CSMD1: variants seen among roughly 807,000 people sequenced by gnomAD.
CSMD1 encodes the protein CUB and sushi domain-containing protein 1.
CSMD1 carries 213 observed loss-of-function variants against 417.5 expected under a neutral mutation model. The ratio of observed to expected loss-of-function variants is 0.51; its 90% CI spans 0.46 to 0.57. CSMD1 has a LOEUF of 0.57. Among genes scored for constraint, CSMD1 ranks in the 20% least tolerant of loss-of-function variants. The pLI, the probability that CSMD1 is intolerant of heterozygous loss-of-function variation, is 0.00. For synonymous variants in CSMD1, 2,862 were observed against 1,736.8 expected, an observed-to-expected ratio of 1.65 and a Z score of -16.11; for missense variants, 6,923 against 4,529.7, an observed-to-expected ratio of 1.53 and a Z score of -15.17.
intron 3 of CSMD1, among the ~76,000 whole-genome samples, chr8:4,135,836 A>T (rs1803396350): frequency 6.6e-6 from 1 of 152,190 alleles, no homozygotes; most frequent in Non-Finnish European, 1.5e-5. Context: ...AGATGTAACT[A>T]CAAATTGGCA....
intron 10 of CSMD1, among the ~76,000 whole-genome samples, chr8:3,513,031 G>A (rs186581788): frequency 9.7e-4 from 147 of 152,194 alleles, no homozygotes; most frequent in Non-Finnish European, 1.6e-3. Context: ...AAATACATTT[G>A]AGGTTTTAGA....
chr8:3,024,454 T>A (rs146345225), intron 51 of CSMD1, among the ~76,000 whole-genome samples: 2,340 of 152,130 alleles, frequency 0.015, 20 homozygotes, highest in East Asian at 0.038. Context: ...CACAGGTACA[T>A]GCCACCACAC....
intron 5 of CSMD1, among the ~76,000 whole-genome samples, chr8:3,837,390 A>G (rs921439912): frequency 2.0e-5 from 3 of 152,152 alleles, no homozygotes; most frequent in South Asian, 2.1e-4. Context: ...AGAAAATTGA[A>G]GTAGCATGCA....
intron 37 of CSMD1, among the ~76,000 whole-genome samples, chr8:3,166,120 A>C (rs1275334637): frequency 2.6e-5 from 4 of 152,172 alleles, no homozygotes; most frequent in Admixed American, 2.6e-4. Context: ...ACTGTGTAGA[A>C]GGTAAGCTTG....
intron 26 of CSMD1, among the ~76,000 whole-genome samples, chr8:3,254,230 C>G (rs906947479): frequency 7.9e-5 from 12 of 152,194 alleles, no homozygotes; most frequent in African/African-American, 2.9e-4. Context: ...TGTAGAGTTT[C>G]TGTCGAGAGA....
chr8:3,282,844 C>A (rs576082192), intron 26 of CSMD1, among the ~76,000 whole-genome samples: 1 of 152,120 alleles, frequency 6.6e-6, no homozygotes, highest in African/African-American at 2.4e-5. Context: ...TTATGTAAAT[C>A]CTAAATATGA....
intron 5 of CSMD1, among the ~76,000 whole-genome samples, chr8:3,830,159 GT>G (rs1563123078): frequency 6.6e-6 from 1 of 152,146 alleles, no homozygotes; most frequent in Non-Finnish European, 1.5e-5. Context: ...ATGCTCCAGA[GT>G]TTCTCTTCCA....
chr8:3,087,115 G>C lies in CSMD1; in HGVS notation c.7456C>G (p.Leu2486Val), dbSNP rs537274542. Residue 2486 changes from leucine to valine, a missense_variant, in exon 49 of 70, where the codon CTC (leucine) becomes GTC (valine). Coordinates refer to ENST00000635120, the MANE Select transcript of CSMD1 (RefSeq NM_033225.6). ...NPLGMYQWDS[L>V]TPLCQAVSCG... The stretch of plus-strand genomic sequence containing the variant: ...TTCTTACCCTGGCAGAGTGGCGTGA[G>C]GGAGTCCCACTGGTACATGCCAAGT... 8.1e-6 allele frequency: 13 copies of C among 1,613,440 alleles called. No homozygotes were observed. Among genetic ancestry groups the C allele is most frequent in the Admixed American group, 1.7e-5 (1 of 60,022 alleles).
At chr8:3,926,212 G>T (rs1028733427) in intron 5 of CSMD1, among the ~76,000 whole-genome samples, 1 of 151,948 alleles carries the variant, frequency 6.6e-6, no homozygotes, top group Non-Finnish European at 1.5e-5. Flanking sequence ...TACTAATAAC[G>T]TATGTTGATT....
chr8:3,569,985 A>G (rs1040398052), intron 10 of CSMD1, among the ~76,000 whole-genome samples: 2 of 152,238 alleles, frequency 1.3e-5, no homozygotes, highest in East Asian at 1.9e-4. Context: ...AGTCCTCACA[A>G]TCAAGAAAAT....
intron 3 of CSMD1, among the ~76,000 whole-genome samples, chr8:4,046,518 C>A (rs543941280): frequency 3.3e-5 from 5 of 152,196 alleles, no homozygotes; most frequent in African/African-American, 9.6e-5. Context: ...GTTGCTGTTG[C>A]CTTACACGTC....
intron 1 of CSMD1, among the ~76,000 whole-genome samples, chr8:4,666,756 A>T (rs1318072325): frequency 2.0e-5 from 3 of 152,122 alleles, no homozygotes; most frequent in African/African-American, 7.2e-5. Context: ...CAAGTCCTTC[A>T]TCAGATATGT....
At chr8:2,957,622 T>C (rs1175606935) in intron 63 of CSMD1, 74 bp downstream of exon 63, 5 of 979,656 alleles carry the variant, frequency 5.1e-6, no homozygotes, top group Non-Finnish European at 3.1e-6. Context: ...ATTATTTCCC[T>C]TAGTGGTAAA....
intron 2 of CSMD1, among the ~76,000 whole-genome samples, chr8:4,549,934 A>T (rs1160345561): frequency 1.3e-5 from 2 of 149,844 alleles, no homozygotes. Flanking sequence ...AAGAAAAGAC[A>T]TTACTTAGGT....
rs190355511 is a variant in CSMD1 at position 4,378,087 on chromosome 8, G to A, written c.415+41866C>T. On this transcript the variant is annotated intron_variant, in intron 3 of 69. Transcript: ENST00000635120. ...TTCAATTACAGACTCCGAAGGTGAA[G>A]TAGATGCAAAACACAGAAGCCAAAT... Among the ~76,000 whole-genome samples, 65 of 152,338 alleles carry A rather than the reference G, an allele frequency of 4.3e-4. No individual in the cohort carries two copies. In the East Asian group the frequency reaches 0.01, roughly 23 times the overall value.
intron 10 of CSMD1, among the ~76,000 whole-genome samples, chr8:3,572,313 G>T (rs1200571267): frequency 6.6e-6 from 1 of 152,160 alleles, no homozygotes; most frequent in African/African-American, 2.4e-5. Flanking sequence ...GAGCTTCAGG[G>T]AGCAGTTGAG....
At chr8:4,173,406 A>T (rs1005793745) in intron 3 of CSMD1, among the ~76,000 whole-genome samples, 5 of 152,148 alleles carry the variant, frequency 3.3e-5, no homozygotes, top group African/African-American at 1.2e-4. Flanking sequence ...TTTGCATTTA[A>T]CGTGGTGACT....
intron 50 of CSMD1, among the ~76,000 whole-genome samples, chr8:3,042,414 CTTAA>C (rs1262601869): frequency 6.6e-6 from 1 of 152,070 alleles, no homozygotes; most frequent in Non-Finnish European, 1.5e-5. Context: ...CTTTTATCAC[CTTAA>C]TAGGTATTTT....
intron 5 of CSMD1, among the ~76,000 whole-genome samples, chr8:3,874,076 C>G (rs889681131): frequency 6.6e-6 from 1 of 152,206 alleles, no homozygotes; most frequent in African/African-American, 2.4e-5. Flanking sequence ...TTAGGAAGTT[C>G]TCTGTGCTAT....
Sources: allele counts gnomAD v4.1 joint callset (sites outside exome capture counted in the v4.1 genomes callset), GRCh38; gene constraint gnomAD v4.1.1; transcripts MANE v1.5; gene names NCBI Gene and HGNC (gene_info 2026-07-23, HGNC 2026-07-21).